STAG2: variants seen among roughly 807,000 people sequenced by gnomAD.
STAG2 encodes the protein STAG2 cohesin complex component.
Under a neutral mutation model 108.1 loss-of-function variants are expected in STAG2, and 14 were observed. The observed-to-expected ratio is 0.13, with a 90% CI of 0.09 to 0.20. STAG2 has a LOEUF of 0.20. Among genes scored for constraint, STAG2 ranks in the 10% least tolerant of loss-of-function variants. The pLI, the probability that STAG2 is intolerant of heterozygous loss-of-function variation, is 1.00. For missense variants in STAG2, 440 were observed against 940.9 expected, an observed-to-expected ratio of 0.47 and a Z score of 6.96; for synonymous variants, 307 against 302.7, an observed-to-expected ratio of 1.01 and a Z score of -0.15.
intron 24 of STAG2, 115 bp downstream of exon 24, chrX:124,068,771 G>A: frequency 2.2e-6 from 1 of 453,750 alleles, no homozygotes; most frequent in Non-Finnish European, 3.7e-6. Flanking sequence ...TCTTGTATCT[G>A]CCTATGTATA....
rs754905672 is a variant in STAG2, at chrX:124,090,893, G to A, written c.3507G>A (p.Glu1169=). ...VTWMLAQRQQ[E]EARQQQERAA... is the part of the protein sequence containing the mutation. ...GGATGTTAGCTCAAAGACAACAAGA[G>A]GAAGCAAGGCAACAGCAGGAGAGAG... Residue 1169 remains glutamate (E), a synonymous_variant, in exon 32 of 35, where the codon GAG becomes GAA. Transcript: ENST00000371145. 8.3e-7 allele frequency: 1 copy of A among 1,211,577 alleles called. No homozygotes were observed. Among genetic ancestry groups the A allele is most frequent in the East Asian group, 3.0e-5 (1 of 33,850 alleles).
chrX:124,001,962 A>C (rs1163219964), intron 1 of STAG2, among the ~76,000 whole-genome samples: 3 of 112,115 alleles, frequency 2.7e-5, no homozygotes, highest in Non-Finnish European at 5.6e-5. Context: ...GGTGGCTCAC[A>C]CCTGTAATCT....
chrX:123,973,917 G>A (rs1421596739), intron 1 of STAG2, among the ~76,000 whole-genome samples: 1 of 110,815 alleles, frequency 9.0e-6, no homozygotes, highest in African/African-American at 3.3e-5. Flanking sequence ...TCTGCCCTTA[G>A]GGGAATATAG....
intron 1 of STAG2, among the ~76,000 whole-genome samples, chrX:123,975,493 G>A (rs757467976): frequency 3.6e-5 from 4 of 111,805 alleles, no homozygotes; most frequent in Admixed American, 1.9e-4. Flanking sequence ...CCAGAGTTTC[G>A]CTCTTGTTGC....
chrX:124,014,875 A>G (rs1430068294), intron 1 of STAG2, among the ~76,000 whole-genome samples: 1 of 108,751 alleles, frequency 9.2e-6, no homozygotes, highest in South Asian at 3.9e-4. Context: ...TGCGAATGAT[A>G]TATGTGGTAG....
chrX:124,079,361 A>G (rs1376241056), intron 27 of STAG2, among the ~76,000 whole-genome samples: 1 of 111,325 alleles, frequency 9.0e-6, no homozygotes, highest in African/African-American at 3.3e-5. Context: ...GGATGGTCTC[A>G]ATCTCCTGAC....
intron 30 of STAG2, among the ~76,000 whole-genome samples, chrX:124,089,057 A>C (rs1306665921): frequency 9.2e-6 from 1 of 108,277 alleles, no homozygotes; most frequent in African/African-American, 3.4e-5. Context: ...CTGGGATTAC[A>C]AGCGCCCGCC....
At chrX:123,996,623 T>G (rs911455291) in intron 1 of STAG2, among the ~76,000 whole-genome samples, 3 of 111,958 alleles carry the variant, frequency 2.7e-5, no homozygotes, top group African/African-American at 9.7e-5. Context: ...CTTTCCAGAC[T>G]GTCATATACA....
chrX:124,054,351 T>C (rs1023966778), intron 13 of STAG2, among the ~76,000 whole-genome samples: 1 of 112,119 alleles, frequency 8.9e-6, no homozygotes, highest in Non-Finnish European at 1.9e-5. Context: ...TCGGACAACA[T>C]TGCAGTAATT....
chrX:124,036,319 G>T (rs1400967032), intron 5 of STAG2, among the ~76,000 whole-genome samples: 1 of 111,645 alleles, frequency 9.0e-6, no homozygotes, highest in African/African-American at 3.3e-5. Context: ...TTTTATACTA[G>T]CTCTTGTTTA....
At chrX:124,029,245 C>G (rs913861352) in intron 4 of STAG2, among the ~76,000 whole-genome samples, 1 of 108,272 alleles carries the variant, frequency 9.2e-6, no homozygotes, top group African/African-American at 3.4e-5. Flanking sequence ...TCTCGATCTC[C>G]TGACCTCGTG....
At chrX:123,987,412 C>A (rs935683143) in intron 1 of STAG2, among the ~76,000 whole-genome samples, 10 of 110,979 alleles carry the variant, frequency 9.0e-5, no homozygotes, top group African/African-American at 3.3e-4. Flanking sequence ...CCATGCCCGG[C>A]TAATTTTGTA....
chrX:124,084,325 T>C (rs927405495), intron 29 of STAG2, among the ~76,000 whole-genome samples: 13 of 110,728 alleles, frequency 1.2e-4, no homozygotes, highest in African/African-American at 3.9e-4. Context: ...ACTAGGGTAC[T>C]AGAGTTCTGT....
chrX:124,040,854 CTTTTTTTTT>C (rs1163780101), intron 6 of STAG2, among the ~76,000 whole-genome samples: 19 of 76,644 alleles, frequency 2.5e-4, no homozygotes, highest in Non-Finnish European at 4.6e-4. Flanking sequence ...CCTCTTCTCT[CTTTTTTTTT>C]TTTTTTTTTT....
At chrX:124,000,218 C>T (rs1284592491) in intron 1 of STAG2, among the ~76,000 whole-genome samples, 2 of 111,540 alleles carry the variant, frequency 1.8e-5, no homozygotes, top group East Asian at 2.8e-4. Context: ...GTGCATTTCT[C>T]ATGTGTTTGT....
chrX:124,094,283 A>G, intron 33 of STAG2, 139 bp downstream of exon 33: 1 of 545,054 alleles, frequency 1.8e-6, no homozygotes. Flanking sequence ...AGGGGTTTAG[A>G]TATATGGGAA....
chrX:124,026,385 A>C (rs2057105366), intron 4 of STAG2, among the ~76,000 whole-genome samples: 1 of 111,410 alleles, frequency 9.0e-6, no homozygotes, highest in African/African-American at 3.3e-5. Flanking sequence ...ATGAAAGATA[A>C]AAAATTACAA....
chrX:123,970,593 A>G (rs765482687), intron 1 of STAG2, among the ~76,000 whole-genome samples: 6 of 111,989 alleles, frequency 5.4e-5, no homozygotes, highest in Admixed American at 9.5e-5. Context: ...TGATACTGCT[A>G]TTGCTGTGGG....
chrX:123,975,104 TTACA>T (rs1483203112), intron 1 of STAG2, among the ~76,000 whole-genome samples: 21 of 111,930 alleles, frequency 1.9e-4, no homozygotes, highest in Non-Finnish European at 3.2e-4. Context: ...TAGAATGTTA[TTACA>T]AAGAACATGT....
Sources: gnomAD v4.1 joint callset for allele counts (sites outside exome capture counted in the v4.1 genomes callset) on GRCh38, gnomAD v4.1.1 for gene constraint, MANE v1.5 for transcripts, NCBI Gene and HGNC (gene_info 2026-07-23, HGNC 2026-07-21) for gene names.